The following ULK4 variants were observed in gnomAD, a reference collection of about 807,000 sequenced individuals.
ULK4 encodes inactive serine/threonine-protein kinase ULK4.
ULK4 carries 133 observed loss-of-function variants against 160.6 expected under a neutral mutation model. The observed-to-expected ratio is 0.83, with a 90% confidence interval of 0.72 to 0.96. ULK4 has a LOEUF of 0.96. Ranked by LOEUF, ULK4 falls within the 40% of genes least tolerant of loss-of-function variation. The probability of loss-of-function intolerance (pLI) is 0.00; values close to 1 mark genes in which losing one functional copy is unlikely to be tolerated. For missense variants in ULK4, 1,580 were observed against 1,499.5 expected, an observed-to-expected ratio of 1.05 and a Z score of -0.89; for synonymous variants, 534 against 539.8, an observed-to-expected ratio of 0.99 and a Z score of 0.15.
At chr3:41,470,275 T>C (rs774112226) in intron 32 of ULK4, among the ~76,000 whole-genome samples, 1 of 152,142 alleles carries the variant, frequency 6.6e-6, no homozygotes, top group East Asian at 1.9e-4. Context: ...ACAATGTCAG[T>C]AGATTTCTTA....
At chr3:41,424,412 G>A (rs911697825) in intron 34 of ULK4, among the ~76,000 whole-genome samples, 3 of 152,194 alleles carry the variant, frequency 2.0e-5, no homozygotes, top group Admixed American at 2.0e-4. Flanking sequence ...TCCTCCACCA[G>A]AAGGACCAAA....
intron 35 of ULK4, among the ~76,000 whole-genome samples, chr3:41,397,862 T>G (rs773229648): frequency 6.6e-6 from 1 of 152,118 alleles, no homozygotes; most frequent in Non-Finnish European, 1.5e-5. Flanking sequence ...TCTAACTTAC[T>G]CCCAAATGGT....
chr3:41,830,821 G>A (rs2041554958), intron 18 of ULK4, among the ~76,000 whole-genome samples: 1 of 151,672 alleles, frequency 6.6e-6, no homozygotes, highest in Admixed American at 6.6e-5. Context: ...TGAGCACTGA[G>A]GTTTTATTTT....
intron 35 of ULK4, among the ~76,000 whole-genome samples, chr3:41,319,968 A>G (rs4973940): frequency 0.15 from 23,533 of 152,128 alleles, 2,153 homozygotes; most frequent in African/African-American, 0.25. Context: ...CACGTACAAA[A>G]CTTTCTCATA....
intron 17 of ULK4, among the ~76,000 whole-genome samples, chr3:41,874,172 T>G (rs1033145406): frequency 1.3e-5 from 2 of 152,198 alleles, no homozygotes; most frequent in Non-Finnish European, 2.9e-5. Context: ...TGTGTAGTTG[T>G]TCTAGTAATG....
chr3:41,869,508 G>A (rs1407896287), intron 17 of ULK4, among the ~76,000 whole-genome samples: 3 of 152,272 alleles, frequency 2.0e-5, no homozygotes, highest in African/African-American at 4.8e-5. Context: ...TTGAACCCAG[G>A]AGGTAGAGGT....
intron 30 of ULK4, among the ~76,000 whole-genome samples, chr3:41,629,634 C>G (rs948529479): frequency 5.9e-5 from 9 of 152,148 alleles, no homozygotes; most frequent in African/African-American, 2.2e-4. Context: ...AATATTATTA[C>G]AGACATTTTT....
At chr3:41,668,314 T>C (rs1439304009) in intron 29 of ULK4, among the ~76,000 whole-genome samples, 1 of 152,144 alleles carries the variant, frequency 6.6e-6, no homozygotes, top group Non-Finnish European at 1.5e-5. Flanking sequence ...TTATTACATA[T>C]AAAGAATACA....
rs188771146 is a variant in ULK4, at chr3:41,931,041, T to C, written c.541+803A>G. On this transcript the variant is annotated intron_variant, in intron 5 of 36. Coordinates refer to ENST00000301831, the MANE Select transcript of ULK4 (RefSeq NM_017886.4). ...AAAGACATATGCACACGTATGTTTA[T>C]TGCGGCACTATTCACAATAGCAAAG... 2.8e-3 allele frequency among the ~76,000 whole-genome samples: 428 copies of C among 152,344 alleles called. 8 individuals are homozygous for C. The highest frequency in any genetic ancestry group is 0.025 in the Admixed American group (384 of 15,304).
At chr3:41,709,533 C>G (rs983188023) in intron 25 of ULK4, among the ~76,000 whole-genome samples, 1 of 152,102 alleles carries the variant, frequency 6.6e-6, no homozygotes, top group South Asian at 2.1e-4. Flanking sequence ...ACTACAGGCG[C>G]GCGCCACCAC....
intron 18 of ULK4, among the ~76,000 whole-genome samples, chr3:41,826,423 G>A (rs2041355011): frequency 6.0e-5 from 9 of 149,742 alleles, no homozygotes; most frequent in Admixed American, 6.0e-4. Context: ...CATCTCATGT[G>A]CAGAGACACA....
At chr3:41,598,336 A>C (rs906400591) in intron 31 of ULK4, among the ~76,000 whole-genome samples, 3 of 152,228 alleles carry the variant, frequency 2.0e-5, no homozygotes, top group Non-Finnish European at 1.5e-5. Flanking sequence ...AAAAGCTATC[A>C]AACATTGTTT....
intron 19 of ULK4, among the ~76,000 whole-genome samples, chr3:41,802,830 C>T (rs760122906): frequency 1.3e-5 from 2 of 152,100 alleles, no homozygotes; most frequent in Non-Finnish European, 2.9e-5. Context: ...TCATTACTTG[C>T]AGGTCAACTG....
intron 22 of ULK4, among the ~76,000 whole-genome samples, chr3:41,738,786 C>T (rs908164524): frequency 6.6e-6 from 1 of 151,858 alleles, no homozygotes; most frequent in African/African-American, 2.4e-5. Flanking sequence ...TAAAACATAC[C>T]ACCTTTGAAT....
In ULK4 at chr3:41,828,276, A is replaced by G. The variant is rs1402467793; in HGVS notation, c.1764+7588T>C. On this transcript the variant is annotated intron_variant, in intron 18 of 36. Transcript: ENST00000301831. ...CCCTCTCTCACCACTCCTATTCAAC[A>G]TAGTGTTGGAAATTCTGGCCAGGGC... is the stretch of plus-strand genomic sequence containing the variant. 1.1e-4 allele frequency among the ~76,000 whole-genome samples: 16 copies of G among 145,588 alleles called. 1 individual carries two copies. Among genetic ancestry groups the G allele is most frequent in the Admixed American group, 1.1e-3 (16 of 14,646 alleles).
chr3:41,528,462 G>A (rs2086192821), intron 32 of ULK4, among the ~76,000 whole-genome samples: 1 of 152,010 alleles, frequency 6.6e-6, no homozygotes, highest in South Asian at 2.1e-4. Context: ...GCATCTTTTC[G>A]GAAGGGGATC....
intron 32 of ULK4, among the ~76,000 whole-genome samples, chr3:41,493,751 C>T (rs201197702): frequency 6.7e-6 from 1 of 149,720 alleles, no homozygotes; most frequent in Non-Finnish European, 1.5e-5. Flanking sequence ...GGGGATATCA[C>T]CACCGATCCC....
intron 32 of ULK4, among the ~76,000 whole-genome samples, chr3:41,507,770 C>T (rs1482522022): frequency 6.6e-6 from 1 of 152,154 alleles, no homozygotes; most frequent in East Asian, 1.9e-4. Flanking sequence ...TCAAAACGGA[C>T]TCCACTCATG....
chr3:41,806,448 T>A (rs913399676), intron 19 of ULK4, among the ~76,000 whole-genome samples: 1 of 152,230 alleles, frequency 6.6e-6, no homozygotes, highest in Non-Finnish European at 1.5e-5. Context: ...CCTGGATTCA[T>A]TAATTTTTTC....
Sources: allele counts gnomAD v4.1 joint callset (sites outside exome capture counted in the v4.1 genomes callset), GRCh38; gene constraint gnomAD v4.1.1; transcripts MANE v1.5; gene names NCBI Gene and HGNC (gene_info 2026-07-23, HGNC 2026-07-21).